The following RIPPLY3 variants were observed in gnomAD, a reference collection of about 807,000 sequenced individuals.
The protein encoded by RIPPLY3 is protein ripply3.
Under a neutral mutation model 11.9 loss-of-function variants are expected in RIPPLY3, and 8 were observed. That is an observed-to-expected ratio of 0.67 (90% confidence interval 0.40 to 1.21). The LOEUF (loss-of-function observed/expected upper bound fraction) is 1.21. Among genes scored for constraint, RIPPLY3 ranks in the 50% most tolerant of loss-of-function variants. The pLI, the probability that RIPPLY3 is intolerant of heterozygous loss-of-function variation, is 0.01. For synonymous variants in RIPPLY3, 102 were observed against 99.0 expected, an observed-to-expected ratio of 1.03 and a Z score of -0.18; for missense variants, 271 against 246.0, an observed-to-expected ratio of 1.10 and a Z score of -0.68.
intron 3 of RIPPLY3, among the ~76,000 whole-genome samples, chr21:37,017,612 AC>A (rs2146780658): frequency 6.6e-6 from 1 of 152,140 alleles, no homozygotes; most frequent in South Asian, 2.1e-4. Flanking sequence ...CTTGAAGCAC[AC>A]CCTCTTCCTT....
chr21:37,019,593 T>A lies in RIPPLY3; in HGVS notation c.*1386T>A, dbSNP rs2069620057. On this transcript the variant is annotated 3_prime_UTR_variant, in exon 4 of 4. Coordinates refer to ENST00000329553, the MANE Select transcript of RIPPLY3 (RefSeq NM_018962.3). Reference sequence around the variant, plus strand: ...CCTGAAACTTTTTGACTTACTTATCTTACATGTGGTGTCTTCCTGTATATA... The same window carrying A: ...CCTGAAACTTTTTGACTTACTTATCATACATGTGGTGTCTTCCTGTATATA... 6.6e-6 allele frequency: 1 copy of A among 152,184 alleles called. No homozygotes were observed. Among genetic ancestry groups the A allele is most frequent in the Non-Finnish European group, 1.5e-5 (1 of 68,030 alleles). 9.4% of individuals were successfully genotyped at this position (152,184 alleles called of 1,614,324 possible). A position where few individuals can be genotyped will look rare whatever the true frequency, so the allele number is the denominator to read the frequency against.
intron 2 of RIPPLY3, among the ~76,000 whole-genome samples, chr21:37,012,211 A>AT (rs72442181): frequency 1.1e-5 from 1 of 95,052 alleles, no homozygotes; most frequent in African/African-American, 5.6e-5. Context: ...TCCGCTCCTT[A>AT]TTTATTATTA....
Position 37,006,922 on chromosome 21 carries a change from C to A in RIPPLY3, c.104+46C>A. ...CGGTGGACGCGCTGAGAGGCGTGCG[C>A]GGTGGCGGTGCGGGGAGCGCAGCGA... On this transcript the variant is annotated intron_variant, in intron 1 of 3. Transcript: ENST00000329553. The surrounding 1 kb of genome is among the most constrained non-coding windows in gnomAD (Gnocchi z 5.2). The A allele has an allele frequency of 9.2e-7, 1 of 1,087,656 alleles. No individual in the cohort carries two copies. Among genetic ancestry groups the A allele is most frequent in the Non-Finnish European group, 1.2e-6 (1 of 860,932 alleles). 67.4% of individuals were successfully genotyped at this position (1,087,656 alleles called of 1,614,324 possible). A position where few individuals can be genotyped will look rare whatever the true frequency, so the allele number is the denominator to read the frequency against.
chr21:37,009,459 C>A (rs1356354790), intron 2 of RIPPLY3, among the ~76,000 whole-genome samples: 1 of 152,116 alleles, frequency 6.6e-6, no homozygotes, highest in Non-Finnish European at 1.5e-5. Context: ...AAGAAGGAAG[C>A]AGATAAAAGA....
intron 2 of RIPPLY3, among the ~76,000 whole-genome samples, chr21:37,008,494 G>T (rs1214169253): frequency 2.0e-5 from 3 of 151,864 alleles, no homozygotes; most frequent in African/African-American, 7.3e-5. Context: ...GCGGTGGCTC[G>T]GGCCTGTAAT....
chr21:37,006,940 C>A lies in RIPPLY3; in HGVS notation c.104+64C>A. ...GCGTGCGCGGTGGCGGTGCGGGGAGCGCAGCGAGCGGGAGGCTGGGGCGCT... is the reference window on the plus strand; with the variant it reads ...GCGTGCGCGGTGGCGGTGCGGGGAGAGCAGCGAGCGGGAGGCTGGGGCGCT... On this transcript the variant is annotated intron_variant, in intron 1 of 3. Transcript: ENST00000329553. This position sits in a 1 kb window ranked among gnomAD's most constrained non-coding sequence, Gnocchi z 5.2. 1.0e-6 allele frequency: 1 copy of A among 985,610 alleles called. No individual in the cohort carries two copies. The highest frequency in any genetic ancestry group is 1.3e-6 in the Non-Finnish European group (1 of 769,388). 61.1% of individuals were successfully genotyped at this position (985,610 alleles called of 1,614,324 possible).
At chr21:37,011,648 C>G (rs1480270047) in intron 2 of RIPPLY3, among the ~76,000 whole-genome samples, 1 of 152,162 alleles carries the variant, frequency 6.6e-6, no homozygotes, top group East Asian at 1.9e-4. Flanking sequence ...TCATCACTTT[C>G]TTAGCTCATC....
chr21:37,008,723 A>T (rs1283090092), intron 2 of RIPPLY3, among the ~76,000 whole-genome samples: 1 of 137,034 alleles, frequency 7.3e-6, no homozygotes, highest in East Asian at 2.2e-4. Flanking sequence ...ATGCCACTGC[A>T]CTCCAGTGTG....
Position 37,013,638 on chromosome 21 carries a change from T to C in RIPPLY3, c.239+20T>C. On this transcript the variant is annotated intron_variant, in intron 3 of 3. Coordinates refer to ENST00000329553, the MANE Select transcript of RIPPLY3 (RefSeq NM_018962.3). ...TGTAAGGTAATATACGACTTCACAA[T>C]AAGTAATCTGTAATTTCCTTTTAAT... 1 of 1,590,344 alleles carries C rather than the reference T, an allele frequency of 6.3e-7. No homozygotes were observed. Among genetic ancestry groups the C allele is most frequent in the Non-Finnish European group, 8.6e-7 (1 of 1,159,386 alleles).
upstream of RIPPLY3, chr21:37,006,421 T>C (rs1164567184): frequency 2.0e-5 from 4 of 196,238 alleles, no homozygotes; most frequent in Non-Finnish European, 4.1e-5. The surrounding 1 kb of genome is among the most constrained non-coding windows in gnomAD (Gnocchi z 5.2). Flanking sequence ...CCCCGACTTT[T>C]CTTTGTCCCG....
rs1307822876 is a variant in RIPPLY3, at chr21:37,008,228, G to T, written c.171+5G>T. ...CTGACCAGAACTGGAAGGCCGGTAA[G>T]GTTCAGTGCGGGCGTTGTAGGTAAC... On this transcript the variant is annotated splice_donor_5th_base_variant and intron_variant, in intron 2 of 3. Transcript: ENST00000329553. The T allele has an allele frequency of 6.2e-7, 1 of 1,613,950 alleles. No individual in the cohort carries two copies. Among genetic ancestry groups the T allele is most frequent in the African/African-American group, 1.3e-5 (1 of 74,924 alleles).
chr21:37,008,162 C>A lies in RIPPLY3; in HGVS notation c.110C>A (p.Ala37Glu), dbSNP rs751679807. ...CCTGGCGCTTGCCGTTCCAGCCCCG[C>A]GCCGTGGCGACCTTGGATCCAGACA... Reference protein sequence around the residue: ...PPPPRGPESPAPWRPWIQTPG... With the variant: ...PPPPRGPESPEPWRPWIQTPG... The change falls in exon 2 of 4, where the codon GCG becomes GAG. Residue 37 changes from alanine to glutamate, a missense_variant. Physicochemically the swap from Ala to Glu is moderately radical, Grantham distance 107. Transcript: ENST00000329553. 6 of 1,614,016 alleles carry A rather than the reference C, an allele frequency of 3.7e-6. No individual in the cohort carries two copies. In the African/African-American group the frequency reaches 8.0e-5, roughly 22 times the overall value.
chr21:37,015,732 A>C (rs1414277702), intron 3 of RIPPLY3, among the ~76,000 whole-genome samples: 3 of 150,464 alleles, frequency 2.0e-5, no homozygotes, highest in Non-Finnish European at 4.4e-5. Context: ...TATTTATTTT[A>C]TTTTGAGATA....
chr21:37,008,825 C>A (rs533603351), intron 2 of RIPPLY3, among the ~76,000 whole-genome samples: 1 of 149,998 alleles, frequency 6.7e-6, no homozygotes, highest in South Asian at 2.1e-4. Flanking sequence ...CTCCCTGTTG[C>A]GGTTTCTTCT....
In RIPPLY3 at chr21:37,012,863, A is replaced by AT. The variant is rs3988826; in HGVS notation, c.172-669dup. ...CACCCCCTGTTTTCCTGCCACTCTG[A>AT]TTTTTTTTTTTTTTTTTTTGAGACG... On this transcript the variant is annotated intron_variant, in intron 2 of 3. Transcript: ENST00000329553. Among the ~76,000 whole-genome samples, 98 of 118,992 alleles carry AT rather than the reference A, an allele frequency of 8.2e-4. 2 individuals are homozygous for AT. In the East Asian group the frequency reaches 0.02, roughly 24 times the overall value. 78.1% of individuals were successfully genotyped at this position (118,992 alleles called of 152,430 possible).
rs1049040141 is a variant in RIPPLY3, at chr21:37,006,766, C to G, written c.-7C>G. 2 of 1,229,160 alleles carry G rather than the reference C, an allele frequency of 1.6e-6. No individual in the cohort carries two copies. The highest frequency in any genetic ancestry group is 1.6e-5 in the African/African-American group (1 of 63,914). 76.1% of individuals were successfully genotyped at this position (1,229,160 alleles called of 1,614,324 possible). A position where few individuals can be genotyped will look rare whatever the true frequency, so the allele number is the denominator to read the frequency against. On this transcript the variant is annotated 5_prime_UTR_variant, in exon 1 of 4. Transcript: ENST00000329553. This position sits in a 1 kb window ranked among gnomAD's most constrained non-coding sequence, Gnocchi z 5.2. ...CCGCAGCAAGGGGCGCGGGCTCCGC[C>G]GGCACCATGGAGCCCGAAGCGGCGG...
At chr21:37,017,797 G>A in intron 3 of RIPPLY3, 77 bp from the exon 4 acceptor site, 1 of 1,221,618 alleles carries the variant, frequency 8.2e-7, no homozygotes, top group Admixed American at 2.6e-5. Flanking sequence ...CTCTGCTTCT[G>A]GGAAAAAGCA....
intron 3 of RIPPLY3, among the ~76,000 whole-genome samples, chr21:37,017,461 G>T (rs1349420183): frequency 6.6e-6 from 1 of 152,112 alleles, no homozygotes; most frequent in Non-Finnish European, 1.5e-5. Context: ...TTCCCATGCT[G>T]CAGGGGACAG....
chr21:37,006,960 G>A lies in RIPPLY3; in HGVS notation c.104+84G>A, dbSNP rs1034860187. On this transcript the variant is annotated intron_variant, in intron 1 of 3. Transcript: ENST00000329553. The surrounding 1 kb of genome is among the most constrained non-coding windows in gnomAD (Gnocchi z 5.2). ...GGGAGCGCAGCGAGCGGGAGGCTGG[G>A]GCGCTGCTGAACCCCCGATCCCCAG... 1.6e-5 allele frequency: 13 copies of A among 823,954 alleles called. No individual in the cohort carries two copies. In the African/African-American group the frequency reaches 2.1e-4, roughly 14 times the overall value. 51.0% of individuals were successfully genotyped at this position (823,954 alleles called of 1,614,324 possible). A position where few individuals can be genotyped will look rare whatever the true frequency, so the allele number is the denominator to read the frequency against.
Sources: allele counts gnomAD v4.1 joint callset (sites outside exome capture counted in the v4.1 genomes callset), GRCh38; gene constraint gnomAD v4.1.1; non-coding constraint Gnocchi (gnomAD v3.1); transcripts MANE v1.5; gene names NCBI Gene and HGNC (gene_info 2026-07-23, HGNC 2026-07-21).